ABR: variants seen among roughly 807,000 people sequenced by gnomAD.
The protein encoded by ABR is ABR activator of RhoGEF and GTPase, also known as active breakpoint cluster region-related protein.
A neutral mutation model predicts 107.2 loss-of-function variants in ABR; 35 were observed. The ratio of observed to expected loss-of-function variants is 0.33; its 90% CI spans 0.25 to 0.43. The LOEUF (loss-of-function observed/expected upper bound fraction) is 0.43. Ranked by LOEUF, ABR falls within the 20% of genes least tolerant of loss-of-function variation. The pLI is 1.00. For missense variants in ABR, 815 were observed against 1,115.2 expected, an observed-to-expected ratio of 0.73 and a Z score of 3.83; for synonymous variants, 498 against 462.0, an observed-to-expected ratio of 1.08 and a Z score of -1.00.
chr17:1,016,536 G>C (rs986352048), intron 16 of ABR, among the ~76,000 whole-genome samples: 2 of 151,882 alleles, frequency 1.3e-5, no homozygotes, highest in Non-Finnish European at 1.5e-5. Flanking sequence ...GGCTGGTCTC[G>C]AGCTCCTGAC....
At chr17:1,155,290 C>T (rs2040995820) in intron 1 of ABR, among the ~76,000 whole-genome samples, 1 of 152,122 alleles carries the variant, frequency 6.6e-6, no homozygotes, top group South Asian at 2.1e-4. Context: ...AACAAGGGCA[C>T]CAAGACCCTT....
intron 10 of ABR, among the ~76,000 whole-genome samples, chr17:1,062,533 CTG>C (rs1363295741): frequency 7.8e-6 from 1 of 128,496 alleles, no homozygotes; most frequent in African/African-American, 3.0e-5. Flanking sequence ...CCTCTAGACA[CTG>C]TTGTTATGTG....
chr17:1,179,977 T>A lies in ABR; in HGVS notation c.-250A>T, dbSNP rs1169984340. On this transcript the variant is annotated 5_prime_UTR_variant, in exon 1 of 23. Coordinates refer to ENST00000302538, the MANE Select transcript of ABR (RefSeq NM_021962.5). This position sits in a 1 kb window ranked among gnomAD's most constrained non-coding sequence, Gnocchi z 4.9. ...GCCCAGCTGCGGATCCCGGAACCGA[T>A]GAGCAACTTCGCGGGGGGCGGGGCG... 1 of 159,488 alleles carries A rather than the reference T, an allele frequency of 6.3e-6. No individual in the cohort carries two copies. Among genetic ancestry groups the A allele is most frequent in the African/African-American group, 2.9e-5 (1 of 34,306 alleles). 9.9% of individuals were successfully genotyped at this position (159,488 alleles called of 1,614,324 possible).
chr17:1,047,434 G>A (rs1002828869), intron 16 of ABR, among the ~76,000 whole-genome samples: 2 of 152,228 alleles, frequency 1.3e-5, no homozygotes, highest in African/African-American at 4.8e-5. Context: ...CAGTCACGGG[G>A]CGAGACTTTC....
chr17:1,205,121 C>T (rs111397736), intron 1 of ABR, among the ~76,000 whole-genome samples: 3,376 of 152,108 alleles, frequency 0.022, 122 homozygotes, highest in African/African-American at 0.077. Context: ...AGGCAGCTCT[C>T]AAACTCCTGA....
intron 16 of ABR, among the ~76,000 whole-genome samples, chr17:1,049,359 G>C (rs2032169377): frequency 3.3e-5 from 5 of 151,984 alleles, no homozygotes; most frequent in Admixed American, 3.3e-4. Flanking sequence ...GTAGAGATGG[G>C]GTTTCGCCAT....
chr17:1,180,382 G>C (rs549581712), upstream of ABR, among the ~76,000 whole-genome samples: 1 of 152,172 alleles, frequency 6.6e-6, no homozygotes, highest in Admixed American at 6.5e-5. Context: ...ACCCGCTGCG[G>C]GACCCACGGG....
At chr17:1,038,014 C>T (rs2073328957) in intron 16 of ABR, among the ~76,000 whole-genome samples, 3 of 152,182 alleles carry the variant, frequency 2.0e-5, no homozygotes, top group African/African-American at 4.8e-5. Context: ...TTTATGCCGA[C>T]GTCTCCCTGC....
At chr17:1,081,178 A>T (rs1048709779) in intron 5 of ABR, among the ~76,000 whole-genome samples, 1 of 152,184 alleles carries the variant, frequency 6.6e-6, no homozygotes, top group Non-Finnish European at 1.5e-5. Context: ...AGACCAGGGG[A>T]GTCCAGGTAG....
At chr17:1,068,618 C>T (rs534161831) in intron 9 of ABR, among the ~76,000 whole-genome samples, 7 of 152,338 alleles carry the variant, frequency 4.6e-5, no homozygotes, top group East Asian at 3.9e-4. Context: ...TGTGAATGAA[C>T]GCAGAATGAG....
chr17:1,075,862 T>C (rs2035661014), intron 6 of ABR, among the ~76,000 whole-genome samples: 1 of 152,124 alleles, frequency 6.6e-6, no homozygotes, highest in Admixed American at 6.6e-5. Flanking sequence ...GCCAACATGG[T>C]GAAACCCCAT....
chr17:1,124,741 C>T (rs1389322797), intron 2 of ABR, among the ~76,000 whole-genome samples: 1 of 152,222 alleles, frequency 6.6e-6, no homozygotes, highest in Non-Finnish European at 1.5e-5. Context: ...CAGCTCATTG[C>T]ACCCACAGGG....
upstream of ABR, among the ~76,000 whole-genome samples, chr17:1,187,819 G>C (rs938696083): frequency 4.6e-5 from 7 of 152,156 alleles, no homozygotes; most frequent in East Asian, 1.9e-4. Flanking sequence ...ACTTGAACCT[G>C]GGTGGCGGAG....
At chr17:1,186,732 G>A (rs773480924) in intron 1 of ABR, 13 of 152,350 alleles carry the variant, frequency 8.5e-5, no homozygotes, top group Non-Finnish European at 1.9e-4. Flanking sequence ...GTCAACAGCA[G>A]AGTTTTCCCA....
At chr17:1,094,297 C>G (rs1364120812) in intron 3 of ABR, among the ~76,000 whole-genome samples, 1 of 152,152 alleles carries the variant, frequency 6.6e-6, no homozygotes, top group Non-Finnish European at 1.5e-5. Flanking sequence ...ATGTGTGAAA[C>G]TGGGATAATA....
chr17:1,034,801 G>C (rs888077844), intron 16 of ABR, among the ~76,000 whole-genome samples: 1 of 152,004 alleles, frequency 6.6e-6, no homozygotes, highest in South Asian at 2.1e-4. Flanking sequence ...CCCTTCCCTC[G>C]GGCTGGGTCC....
At chr17:1,216,549 C>T (rs1380582703) in intron 1 of ABR, among the ~76,000 whole-genome samples, 2 of 152,208 alleles carry the variant, frequency 1.3e-5, no homozygotes, top group African/African-American at 4.8e-5. Flanking sequence ...GCCCATCTTC[C>T]CATCTTTCAA....
chr17:1,206,229 G>A (rs1224808598), intron 1 of ABR, among the ~76,000 whole-genome samples: 1 of 152,226 alleles, frequency 6.6e-6, no homozygotes, highest in Non-Finnish European at 1.5e-5. Flanking sequence ...TCACATCACT[G>A]TGATGGGTTA....
At chr17:1,031,626 C>T in intron 16 of ABR, 1 of 1,247,818 alleles carries the variant, frequency 8.0e-7, no homozygotes, top group East Asian at 3.2e-5. Context: ...GTTGCGCACG[C>T]GGCCCCAGAG....
Sources: allele counts gnomAD v4.1 joint callset (sites outside exome capture counted in the v4.1 genomes callset), GRCh38; gene constraint gnomAD v4.1.1; non-coding constraint Gnocchi (gnomAD v3.1); transcripts MANE v1.5; gene names NCBI Gene and HGNC (gene_info 2026-07-23, HGNC 2026-07-21).